Variants in F9 observed in about 807,000 individuals in gnomAD.
F9 encodes Christmas factor.
In F9, 2 loss-of-function variants were observed where a neutral mutation model predicts 34.1. That is an observed-to-expected ratio of 0.06 (90% confidence interval 0.02 to 0.18). F9 has a LOEUF of 0.18. Among genes scored for constraint, F9 ranks in the 10% least tolerant of loss-of-function variants. F9 has a pLI of 1.00. For missense variants in F9, 216 were observed against 345.1 expected, an observed-to-expected ratio of 0.63 and a Z score of 2.96; for synonymous variants, 137 against 118.8, an observed-to-expected ratio of 1.15 and a Z score of -1.00.
intron 5 of F9, 54 bp from the exon 6 acceptor site, chrX:139,551,008 T>G: frequency 9.2e-7 from 1 of 1,087,652 alleles, no homozygotes; most frequent in Non-Finnish European, 1.3e-6. Context: ...GTAATACATG[T>G]TCCATTTGCC....
In F9 at chrX:139,561,821, G is replaced by A. The variant is rs137852259; in HGVS notation, c.1136G>A (p.Arg379Gln). The A allele has an allele frequency of 8.3e-7, 1 of 1,211,705 alleles. No homozygotes were observed. Among genetic ancestry groups the A allele is most frequent in the Non-Finnish European group, 1.1e-6 (1 of 895,503 alleles). ...LQYLRVPLVD[R>Q]ATCLRSTKFT... The stretch of plus-strand genomic sequence containing the variant: ...TACCTTAGAGTTCCACTTGTTGACC[G>A]AGCCACATGTCTTCGATCTACAAAG... The change falls in exon 8 of 8, where the codon CGA becomes CAA. Residue 379 changes from arginine to glutamine, a missense_variant. Physicochemically the swap from Arg to Gln is conservative, Grantham distance 43 (BLOSUM62 1). Coordinates refer to ENST00000218099, the MANE Select transcript of F9 (RefSeq NM_000133.4).
intron 1 of F9, 77 bp from the exon 2 acceptor site, chrX:139,536,933 A>T (rs1927488472): frequency 9.7e-7 from 1 of 1,027,657 alleles, no homozygotes. Flanking sequence ...AAAAACAAAG[A>T]CTTTCTTAAG....
chrX:139,541,440 G>T (rs949951675), intron 4 of F9, among the ~76,000 whole-genome samples: 1 of 111,588 alleles, frequency 9.0e-6, no homozygotes, highest in Non-Finnish European at 1.9e-5. Context: ...TAATACAACC[G>T]TATGTGGTTA....
intron 6 of F9, among the ~76,000 whole-genome samples, chrX:139,554,798 T>C (rs968121607): frequency 1.1e-4 from 12 of 113,035 alleles, no homozygotes; most frequent in East Asian, 2.8e-4. Context: ...ATGCTGATGC[T>C]TCATAAGAAC....
chrX:139,536,483 G>A (rs907171695), intron 1 of F9, among the ~76,000 whole-genome samples: 3 of 110,948 alleles, frequency 2.7e-5, no homozygotes, highest in African/African-American at 9.8e-5. Context: ...AACCAAAGGT[G>A]CTGTTGATCT....
At chrX:139,548,601 A>G (rs1927773009) in intron 5 of F9, 110 bp downstream of exon 5, 1 of 826,411 alleles carries the variant, frequency 1.2e-6, no homozygotes. Flanking sequence ...TTTTGAAATC[A>G]TAGAAAATAT....
At position 139,562,184 on chromosome X, in the gene F9, A is replaced by T; in HGVS notation, c.*113A>T. ...ATTTGAATATATACATTCTATGATC[A>T]TTGCTTTTTCTCTTTACAGGGGAGA... On this transcript the variant is annotated 3_prime_UTR_variant, in exon 8 of 8. Transcript: ENST00000218099. The T allele has an allele frequency of 1.0e-5, 7 of 692,245 alleles. No individual in the cohort carries two copies. The highest frequency in any genetic ancestry group is 4.5e-4 in the Middle Eastern group (1 of 2,214). 57.0% of individuals were successfully genotyped at this position (692,245 alleles called of 1,213,427 possible).
chrX:139,537,395 T>C lies in F9; in HGVS notation c.277+9T>C. On this transcript the variant is annotated intron_variant, in intron 3 of 7. Coordinates refer to ENST00000218099, the MANE Select transcript of F9 (RefSeq NM_000133.4). The stretch of plus-strand genomic sequence containing the variant: ...TTGGAAGCAGTATGTTGGTAAGCAA[T>C]TCATTTTATCCTCTAGCTAATATAT... The C allele has an allele frequency of 8.5e-7, 1 of 1,173,285 alleles. No individual in the cohort carries two copies. The highest frequency in any genetic ancestry group is 1.2e-6 in the Non-Finnish European group (1 of 860,845).
intron 3 of F9, among the ~76,000 whole-genome samples, chrX:139,539,697 G>T (rs1458373411): frequency 8.9e-6 from 1 of 112,483 alleles, no homozygotes; most frequent in African/African-American, 3.2e-5. Flanking sequence ...CTCATTTTTA[G>T]ACCAGTTCTG....
intron 1 of F9, among the ~76,000 whole-genome samples, chrX:139,536,449 A>C (rs943175403): frequency 1.8e-5 from 2 of 110,794 alleles, no homozygotes; most frequent in Admixed American, 9.7e-5. Context: ...TGCTTAAATC[A>C]CTGCAATTCC....
At chrX:139,538,657 G>A (rs1399456155) in intron 3 of F9, among the ~76,000 whole-genome samples, 10 of 111,431 alleles carry the variant, frequency 9.0e-5, no homozygotes, top group Non-Finnish European at 1.7e-4. Context: ...CTACTGAGGT[G>A]CCCCCTAAAG....
At chrX:139,530,909 T>C (rs993591509) in intron 1 of F9, 57 bp downstream of exon 1, 1 of 943,132 alleles carries the variant, frequency 1.1e-6, no homozygotes. Flanking sequence ...TATAGAAATA[T>C]CTGATGCTGT....
At chrX:139,531,743 G>T (rs1468576952) in intron 1 of F9, among the ~76,000 whole-genome samples, 1 of 112,223 alleles carries the variant, frequency 8.9e-6, no homozygotes, top group African/African-American at 3.2e-5. Flanking sequence ...AAATCTAGTA[G>T]CTGACAGTAC....
chrX:139,533,390 C>T (rs924010818), intron 1 of F9, among the ~76,000 whole-genome samples: 3 of 112,130 alleles, frequency 2.7e-5, no homozygotes, highest in African/African-American at 9.7e-5. Flanking sequence ...GTGCCTATCT[C>T]GTGGGACTTT....
chrX:139,537,333 G>A (rs373179175), intron 2 of F9, 29 bp from the exon 3 acceptor site: 19 of 1,177,490 alleles, frequency 1.6e-5, no homozygotes, highest in Admixed American at 2.2e-5. Flanking sequence ...AGATATTACC[G>A]TTAATTTGTC....
At chrX:139,542,665 TTACC>T (rs778979965) in intron 4 of F9, among the ~76,000 whole-genome samples, 5 of 111,755 alleles carry the variant, frequency 4.5e-5, no homozygotes, top group African/African-American at 6.5e-5. Context: ...ATAAATATCT[TTACC>T]TAGTTTAAAA....
intron 3 of F9, among the ~76,000 whole-genome samples, chrX:139,540,659 C>A (rs902280871): frequency 1.8e-5 from 2 of 111,849 alleles, no homozygotes; most frequent in Non-Finnish European, 3.8e-5. Context: ...ACAAGACCTG[C>A]AATAGAGCCT....
intron 6 of F9, among the ~76,000 whole-genome samples, chrX:139,556,999 G>A (rs1449243305): frequency 1.8e-5 from 2 of 112,190 alleles, no homozygotes; most frequent in Non-Finnish European, 3.8e-5. Flanking sequence ...AAAACCAAAG[G>A]GTAAGAGCTG....
chrX:139,545,839 T>C (rs756878597), intron 4 of F9, among the ~76,000 whole-genome samples: 27 of 111,388 alleles, frequency 2.4e-4, no homozygotes, highest in African/African-American at 7.8e-4. Flanking sequence ...TATTTCATTC[T>C]CTTATGTTTG....
Sources: allele counts gnomAD v4.1 joint callset (sites outside exome capture counted in the v4.1 genomes callset), GRCh38; gene constraint gnomAD v4.1.1; transcripts MANE v1.5; gene names NCBI Gene and HGNC (gene_info 2026-07-23, HGNC 2026-07-21).